The following STARD9 variants were observed in gnomAD, a reference collection of about 807,000 sequenced individuals.
STARD9 encodes the protein stAR-related lipid transfer protein 9.
A neutral mutation model predicts 399.8 loss-of-function variants in STARD9; 346 were observed. The observed-to-expected ratio is 0.87, with a 90% CI of 0.79 to 0.95. STARD9 has a LOEUF of 0.95. Ranked by LOEUF, STARD9 falls within the 40% of genes least tolerant of loss-of-function variation. The probability of loss-of-function intolerance (pLI) is 0.00; values close to 1 mark genes in which losing one functional copy is unlikely to be tolerated. For synonymous variants in STARD9, 2,203 were observed against 2,143.5 expected (o/e 1.03, Z -0.77); for missense variants, 5,832 against 5,667.5 (o/e 1.03, Z -0.93).
intron 2 of STARD9, among the ~76,000 whole-genome samples, chr15:42,583,846 A>G (rs1354502580): frequency 6.6e-6 from 1 of 152,104 alleles, no homozygotes; most frequent in Non-Finnish European, 1.5e-5. Context: ...CTGGTAATGC[A>G]GGGTTTCTTT....
intron 9 of STARD9, among the ~76,000 whole-genome samples, chr15:42,658,815 A>T (rs1418429782): frequency 2.6e-5 from 4 of 152,166 alleles, no homozygotes; most frequent in African/African-American, 9.6e-5. Flanking sequence ...TTATTAGGAG[A>T]ATAAAAAGAA....
chr15:42,581,153 C>T (rs1353045920), intron 1 of STARD9: 6 of 745,548 alleles, frequency 8.0e-6, no homozygotes, highest in Non-Finnish European at 1.3e-5. Flanking sequence ...CTGAGCATCA[C>T]CCCCCAGCTG....
At chr15:42,594,343 T>C (rs916946616) in intron 3 of STARD9, among the ~76,000 whole-genome samples, 2 of 152,184 alleles carry the variant, frequency 1.3e-5, no homozygotes, top group African/African-American at 4.8e-5. Flanking sequence ...AAGGCAGAGA[T>C]GATAATGCTC....
chr15:42,604,139 G>T (rs192871886), intron 3 of STARD9, among the ~76,000 whole-genome samples: 56 of 152,316 alleles, frequency 3.7e-4, no homozygotes, highest in African/African-American at 1.3e-3. Context: ...GAGGTTAGAA[G>T]TAAGATGGAG....
intron 1 of STARD9, among the ~76,000 whole-genome samples, chr15:42,581,650 C>G (rs1313615839): frequency 6.8e-6 from 1 of 147,582 alleles, no homozygotes; most frequent in Non-Finnish European, 1.5e-5. Context: ...AGCCGATCCT[C>G]GGGCCTCGCC....
Position 42,718,135 on chromosome 15 carries a change from A to G in STARD9, c.13718A>G (p.Gln4573Arg). 6.5e-7 allele frequency: 1 copy of G among 1,537,214 alleles called. No homozygotes were observed. Among genetic ancestry groups the G allele is most frequent in the Non-Finnish European group, 8.7e-7 (1 of 1,146,906 alleles). Residue 4573 changes from glutamine to arginine, a missense_variant, in exon 30 of 33, where the codon CAG becomes CGG. Physicochemically the swap from Gln to Arg is conservative, Grantham distance 43. Around this residue, in one of 2 missense-constraint regions of STARD9, gnomAD observed 5,828 missense variants for 5,651.1 expected, o/e 1.03. Transcript: ENST00000290607. ...TVWPLYYKPI[Q>R]TARLHQRVTN... The stretch of plus-strand genomic sequence containing the variant: ...TGGCCCCTGTATTACAAGCCCATCC[A>G]GACAGCAAGGCTGCATCAGCGAGTG...
chr15:42,716,508 T>C (rs1368477134), intron 26 of STARD9, among the ~76,000 whole-genome samples, 169 bp from the exon 27 acceptor site: 1 of 152,224 alleles, frequency 6.6e-6, no homozygotes, highest in African/African-American at 2.4e-5. Flanking sequence ...GATACCTATT[T>C]CTATTGCTGT....
At chr15:42,653,571 C>G (rs539443281) in intron 9 of STARD9, among the ~76,000 whole-genome samples, 2 of 150,822 alleles carry the variant, frequency 1.3e-5, no homozygotes, top group Admixed American at 6.6e-5. Context: ...TGATGAATGG[C>G]TGACTTCTCA....
intron 3 of STARD9, among the ~76,000 whole-genome samples, chr15:42,617,806 T>C (rs142780671): frequency 2.9e-3 from 442 of 152,326 alleles, no homozygotes; most frequent in African/African-American, 0.01. Context: ...CAGGCTGGAG[T>C]GCAGTGGCAC....
intron 26 of STARD9, among the ~76,000 whole-genome samples, chr15:42,696,876 G>A (rs1395611282): frequency 6.6e-6 from 1 of 152,190 alleles, no homozygotes; most frequent in African/African-American, 2.4e-5. Context: ...TTTTGTGTGG[G>A]AGATGATGAG....
chr15:42,640,839 A>AAC (rs56078544), intron 7 of STARD9, among the ~76,000 whole-genome samples: 9 of 151,096 alleles, frequency 6.0e-5, no homozygotes, highest in Non-Finnish European at 1.2e-4. Flanking sequence ...AAAAAAAAAA[A>AAC]GTCTGTGTGT....
chr15:42,633,967 T>C (rs1236641514), intron 3 of STARD9, among the ~76,000 whole-genome samples: 1 of 152,022 alleles, frequency 6.6e-6, no homozygotes, highest in African/African-American at 2.4e-5. Context: ...TTTCATGTGC[T>C]AGTGTTGTCC....
Position 42,686,141 on chromosome 15 carries a change from C to T in STARD9, c.4563C>T (p.Ala1521=). 6.5e-7 allele frequency: 1 copy of T among 1,537,288 alleles called. No homozygotes were observed. The highest frequency in any genetic ancestry group is 1.2e-5 in the South Asian group (1 of 84,060). Residue 1521 remains alanine (A), a synonymous_variant, in exon 23 of 33, where the codon GCC becomes GCT. Transcript: ENST00000290607. Reference sequence around the variant, plus strand: ...TTGAGGAAGACTCTGGTTCCCTGGCCCAAGCTTCTAGCAAAGGAGGAGATA... The same window carrying T: ...TTGAGGAAGACTCTGGTTCCCTGGCTCAAGCTTCTAGCAAAGGAGGAGATA... ...PYLEEDSGSL[A]QASSKGGDTL... is the part of the protein sequence containing the mutation.
At chr15:42,643,427 C>G (rs1292256504) in intron 7 of STARD9, among the ~76,000 whole-genome samples, 1 of 152,084 alleles carries the variant, frequency 6.6e-6, no homozygotes, top group Non-Finnish European at 1.5e-5. Flanking sequence ...AACTCCTGAC[C>G]TCAGGTGATC....
chr15:42,656,327 TAAAAAAAAAAAAAAAAAAA>T (rs869264641), intron 9 of STARD9, among the ~76,000 whole-genome samples: 86 of 35,338 alleles, frequency 2.4e-3, no homozygotes, highest in East Asian at 0.016. Context: ...AGCCATCTCC[TAAAAAAAAAAAAAAAAAAA>T]AAAAAAAAAA....
At position 42,712,111 on chromosome 15, in the gene STARD9, A is replaced by T. The variant is rs12592748; in HGVS notation, c.13285-4566A>T. ...TATATATATATAATATATAATATAT[A>T]ATATATAATATATATATAAATGTGC... On this transcript the variant is annotated intron_variant, in intron 26 of 32. Transcript: ENST00000290607. 6.3e-3 allele frequency among the ~76,000 whole-genome samples: 20 copies of T among 3,180 alleles called. 4 individuals are homozygous for T. Among genetic ancestry groups the T allele is most frequent in the Middle Eastern group, 0.1 (1 of 10 alleles). 2.1% of individuals were successfully genotyped at this position (3,180 alleles called of 152,430 possible).
chr15:42,623,676 A>G (rs2059137554), intron 3 of STARD9, among the ~76,000 whole-genome samples: 1 of 152,162 alleles, frequency 6.6e-6, no homozygotes, highest in Non-Finnish European at 1.5e-5. Context: ...TCATTTCAAA[A>G]TTTCTGTTGT....
At chr15:42,667,564 C>G (rs560362486) in intron 15 of STARD9, among the ~76,000 whole-genome samples, 109 of 151,358 alleles carry the variant, frequency 7.2e-4, no homozygotes, top group African/African-American at 2.5e-3. Context: ...TCGCTGTAAC[C>G]TCTGCCTGCT....
intron 1 of STARD9, chr15:42,581,024 T>C (rs1206537599): frequency 1.5e-5 from 7 of 461,086 alleles, no homozygotes; most frequent in Non-Finnish European, 2.0e-5. Flanking sequence ...TGGGGACTGC[T>C]GGTATTGCCT....
Sources: allele counts gnomAD v4.1 joint callset (sites outside exome capture counted in the v4.1 genomes callset), GRCh38; gene constraint gnomAD v4.1.1; regional missense constraint gnomAD v4.1.1; transcripts MANE v1.5; gene names NCBI Gene and HGNC (gene_info 2026-07-23, HGNC 2026-07-21).